The following KHDRBS3 variants were observed in gnomAD, a reference collection of about 807,000 sequenced individuals.
The protein encoded by KHDRBS3 is KH RNA binding domain containing, signal transduction associated 3.
KHDRBS3 carries 23 observed loss-of-function variants against 45.6 expected under a neutral mutation model. The observed-to-expected ratio is 0.50, with a 90% CI of 0.36 to 0.72. The LOEUF (loss-of-function observed/expected upper bound fraction) is 0.72. Ranked by LOEUF, KHDRBS3 falls within the 30% of genes least tolerant of loss-of-function variation. The pLI is 0.00. For missense variants in KHDRBS3, 352 were observed against 424.8 expected (o/e 0.83, Z 1.51); for synonymous variants, 162 against 156.5 (o/e 1.04, Z -0.26).
rs141052238 is a variant in KHDRBS3, at chr8:135,521,328, G to C, written c.180G>C (p.Val60=). The change falls in exon 2 of 9, where the codon GTG becomes GTC. Residue 60 remains valine, a synonymous_variant. Transcript: ENST00000355849. The part of the protein sequence containing the change: ...INKNMKLGQK[V]LIPVKQFPKF... The stretch of plus-strand genomic sequence containing the variant: ...AGAACATGAAGCTGGGACAGAAAGT[G>C]TTAATTCCCGTAAAACAGTTCCCTA... 97 of 1,610,130 alleles carry C rather than the reference G, an allele frequency of 6.0e-5. No homozygotes were observed. The Middle Eastern group carries it at 8.2e-4, about 14-fold the overall frequency.
intron 1 of KHDRBS3, among the ~76,000 whole-genome samples, chr8:135,519,534 C>A (rs1824798061): frequency 6.6e-6 from 1 of 152,198 alleles, no homozygotes; most frequent in Non-Finnish European, 1.5e-5. Flanking sequence ...ACCAAAGTTT[C>A]ATCAAGGAGT....
At chr8:135,524,499 A>G (rs539719266) in intron 2 of KHDRBS3, among the ~76,000 whole-genome samples, 1 of 152,324 alleles carries the variant, frequency 6.6e-6, no homozygotes, top group South Asian at 2.1e-4. Context: ...TGAATTCAGT[A>G]TCTTTGGTAT....
intron 5 of KHDRBS3, among the ~76,000 whole-genome samples, chr8:135,567,708 A>G (rs76365040): frequency 5.3e-4 from 80 of 152,312 alleles, no homozygotes; most frequent in African/African-American, 1.7e-3. Flanking sequence ...AACTGCTTCT[A>G]TGTCAGGATT....
intron 4 of KHDRBS3, among the ~76,000 whole-genome samples, chr8:135,552,787 T>A (rs1002867992): frequency 2.0e-5 from 3 of 152,260 alleles, no homozygotes; most frequent in Middle Eastern, 3.4e-3. Flanking sequence ...AAACCTGGCC[T>A]GCTAGGGATG....
chr8:135,647,069 A>G lies in KHDRBS3; in HGVS notation c.1026A>G (p.Pro342=). ...CAAAGGGCGTCTACAGAGACCAGCC[A>G]TATGGCAGATACTGATTGTACTGTC... ...RTAKGVYRDQ[P]YGRY The change falls in exon 9 of 9, where the codon CCA becomes CCG. Residue 342 remains proline (P), a synonymous_variant. Transcript: ENST00000355849. 6.3e-7 allele frequency: 1 copy of G among 1,595,186 alleles called. No homozygotes were observed. Among genetic ancestry groups the G allele is most frequent in the Non-Finnish European group, 8.6e-7 (1 of 1,162,948 alleles).
At chr8:135,631,101 A>C (rs1830579763) in intron 7 of KHDRBS3, among the ~76,000 whole-genome samples, 1 of 152,086 alleles carries the variant, frequency 6.6e-6, no homozygotes, top group African/African-American at 2.4e-5. Flanking sequence ...ATACAAAAAA[A>C]TTAGCCAGGT....
At chr8:135,599,397 G>A (rs996747641) in intron 6 of KHDRBS3, among the ~76,000 whole-genome samples, 1 of 152,218 alleles carries the variant, frequency 6.6e-6, no homozygotes, top group African/African-American at 2.4e-5. Context: ...GTTTTCTGCT[G>A]AGGGCAGGGA....
chr8:135,487,898 T>G (rs1822944750), intron 1 of KHDRBS3, among the ~76,000 whole-genome samples: 1 of 152,166 alleles, frequency 6.6e-6, no homozygotes, highest in Admixed American at 6.5e-5. Context: ...CTCTGTTGGA[T>G]TTAAGGGATT....
chr8:135,522,197 GTGTTTGCTT>G (rs2130658544), intron 2 of KHDRBS3, among the ~76,000 whole-genome samples: 1 of 152,312 alleles, frequency 6.6e-6, no homozygotes, highest in Non-Finnish European at 1.5e-5. Flanking sequence ...AGAACATGCA[GTGTTTGCTT>G]TTCTGTTCCT....
At chr8:135,464,498 G>A (rs569308463) in intron 1 of KHDRBS3, among the ~76,000 whole-genome samples, 2 of 152,284 alleles carry the variant, frequency 1.3e-5, no homozygotes, top group South Asian at 2.1e-4. Context: ...ACAGTCGAGA[G>A]TATGATATCA....
At chr8:135,625,933 G>A (rs1213664591) in intron 7 of KHDRBS3, 10 of 799,572 alleles carry the variant, frequency 1.3e-5, no homozygotes, top group Middle Eastern at 3.5e-4. Flanking sequence ...ATGTCATGTC[G>A]ACTTAGATTA....
At chr8:135,526,438 C>A (rs1379434963) in intron 2 of KHDRBS3, among the ~76,000 whole-genome samples, 1 of 152,070 alleles carries the variant, frequency 6.6e-6, no homozygotes, top group Non-Finnish European at 1.5e-5. Context: ...TTAGAAGTTA[C>A]TGCTTTCAGG....
chr8:135,573,345 G>A (rs1827796918), intron 5 of KHDRBS3, among the ~76,000 whole-genome samples: 1 of 152,196 alleles, frequency 6.6e-6, no homozygotes, highest in African/African-American at 2.4e-5. Flanking sequence ...CATTGCTGTT[G>A]CTAAATGTGT....
chr8:135,576,031 GT>G (rs562381808), intron 5 of KHDRBS3, among the ~76,000 whole-genome samples: 3 of 151,872 alleles, frequency 2.0e-5, no homozygotes, highest in Non-Finnish European at 4.4e-5. Context: ...TACTAATCAG[GT>G]TTTTTTTAAG....
chr8:135,604,474 T>C (rs908961717), intron 6 of KHDRBS3, among the ~76,000 whole-genome samples: 2 of 152,066 alleles, frequency 1.3e-5, no homozygotes, highest in Non-Finnish European at 2.9e-5. Context: ...TTTCTACATA[T>C]TTTAGGTCTT....
chr8:135,559,128 T>G (rs1827041975), intron 5 of KHDRBS3, among the ~76,000 whole-genome samples: 1 of 151,614 alleles, frequency 6.6e-6, no homozygotes, highest in African/African-American at 2.4e-5. Context: ...TAAAATTTCT[T>G]CTTCTAGATA....
At chr8:135,560,720 C>A (rs1413231008) in intron 5 of KHDRBS3, among the ~76,000 whole-genome samples, 2 of 152,162 alleles carry the variant, frequency 1.3e-5, no homozygotes, top group East Asian at 3.8e-4. Context: ...CATTGCTTGT[C>A]ATTTAAAGTT....
At chr8:135,620,219 C>T (rs547058892) in intron 7 of KHDRBS3, among the ~76,000 whole-genome samples, 3 of 152,120 alleles carry the variant, frequency 2.0e-5, no homozygotes, top group African/African-American at 4.8e-5. Flanking sequence ...ACCACAGGCA[C>T]GAGACGGTGC....
At chr8:135,497,364 T>C (rs1004570041) in intron 1 of KHDRBS3, among the ~76,000 whole-genome samples, 6 of 152,228 alleles carry the variant, frequency 3.9e-5, no homozygotes, top group African/African-American at 9.6e-5. Flanking sequence ...TTGTGTCTTA[T>C]GACCTCAGCA....
Sources: allele counts gnomAD v4.1 joint callset (sites outside exome capture counted in the v4.1 genomes callset), GRCh38; gene constraint gnomAD v4.1.1; transcripts MANE v1.5; gene names NCBI Gene and HGNC (gene_info 2026-07-23, HGNC 2026-07-21).